Variants in AHNAK observed in about 807,000 individuals in gnomAD.
The protein encoded by AHNAK is AHNAK nucleoprotein.
In AHNAK, 23 loss-of-function variants were observed where a neutral mutation model predicts 37.8. The observed-to-expected ratio is 0.61, with a 90% CI of 0.44 to 0.86. The LOEUF is 0.86. Ranked by LOEUF, AHNAK falls within the 40% of genes least tolerant of loss-of-function variation. The pLI, the probability that AHNAK is intolerant of heterozygous loss-of-function variation, is 0.00. For missense variants in AHNAK, 7,411 were observed against 7,319.4 expected (o/e 1.01, Z -0.46); for synonymous variants, 2,481 against 2,636.3 (o/e 0.94, Z 1.80).
chr11:62,509,303 C>T (rs753300905), intron 4 of AHNAK, among the ~76,000 whole-genome samples: 1 of 152,098 alleles, frequency 6.6e-6, no homozygotes, highest in Non-Finnish European at 1.5e-5. Context: ...CACGGTGGCT[C>T]ACGCCTGTAA....
downstream of AHNAK, among the ~76,000 whole-genome samples, chr11:62,512,155 G>A (rs1365199324): frequency 2.6e-5 from 4 of 152,054 alleles, no homozygotes; most frequent in Non-Finnish European, 4.4e-5. The surrounding 1 kb of genome is among the most constrained non-coding windows in gnomAD (Gnocchi z 4.0). Flanking sequence ...CCTTGTCCTG[G>A]TTATTCTCTA....
In AHNAK at chr11:62,525,653, C is replaced by G. The variant is rs1244681329; in HGVS notation, c.8764G>C (p.Asp2922His). 1 of 1,613,774 alleles carries G rather than the reference C, an allele frequency of 6.2e-7. No individual in the cohort carries two copies. The highest frequency in any genetic ancestry group is 8.5e-7 in the Non-Finnish European group (1 of 1,179,984). The change falls in exon 5 of 5, where the codon GAC (aspartate) becomes CAC (histidine). Residue 2922 changes from aspartate to histidine, a missense_variant. Asp to His is a moderately conservative substitution (Grantham distance 81). Coordinates refer to ENST00000378024, the MANE Select transcript of AHNAK (RefSeq NM_001620.3). Reference protein sequence around the residue: ...PEVDVNLPKADVDVSGPKVDV... With the variant: ...PEVDVNLPKAHVDVSGPKVDV... Reference sequence around the variant, plus strand: ...ACTTTGGGGCCTGAGACATCAACGTCAGCCTTGGGCAGGTTCACATCCACT... The same window carrying G: ...ACTTTGGGGCCTGAGACATCAACGTGAGCCTTGGGCAGGTTCACATCCACT...
chr11:62,477,428 G>C (rs1156521983), intron 5 of AHNAK, among the ~76,000 whole-genome samples: 1 of 152,094 alleles, frequency 6.6e-6, no homozygotes, highest in Non-Finnish European at 1.5e-5. Flanking sequence ...TTAATTCCTG[G>C]GTGATGAAAT....
intron 4 of AHNAK, among the ~76,000 whole-genome samples, chr11:62,507,974 C>A (rs919127960): frequency 1.3e-5 from 2 of 152,264 alleles, no homozygotes; most frequent in African/African-American, 4.8e-5. Flanking sequence ...GACTGGGTCT[C>A]GCTCTGTCAT....
chr11:62,448,960 C>T (rs1426496477), intron 5 of AHNAK, among the ~76,000 whole-genome samples: 4 of 152,116 alleles, frequency 2.6e-5, no homozygotes, highest in South Asian at 2.1e-4. Flanking sequence ...CTCAGCTACT[C>T]GGGAGGCTGA....
chr11:62,540,470 G>A (rs769227514), intron 1 of AHNAK, among the ~76,000 whole-genome samples: 2 of 152,086 alleles, frequency 1.3e-5, no homozygotes, highest in Non-Finnish European at 2.9e-5. Context: ...GAGCCTGCTA[G>A]CACACAGCCC....
rs1277573930 is a variant in AHNAK, at chr11:62,521,660, T to A, written c.12757A>T (p.Lys4253Ter). ...PKFKMPEMNI[K>*]APKISMPDFD... The stretch of plus-strand genomic sequence containing the variant: ...TCAGGCATGGAGATCTTGGGGGCTT[T>A]GATGTTCATCTCAGGCATCTTGAAT... Residue 4253 changes from lysine (K) to a stop codon, truncating the protein, a stop_gained, in exon 5 of 5, where the codon AAA becomes TAA. Transcript: ENST00000378024. LOFTEE classifies it low-confidence loss of function (END_TRUNC). 6.2e-7 allele frequency: 1 copy of A among 1,614,030 alleles called. No homozygotes were observed. Among genetic ancestry groups the A allele is most frequent in the South Asian group, 1.1e-5 (1 of 91,068 alleles).
rs1307806147 is a variant in AHNAK at position 62,529,805 on chromosome 11, C to T, written c.4612G>A (p.Asp1538Asn). The change falls in exon 5 of 5, where the codon GAC (aspartate) becomes AAC (asparagine). Residue 1538 changes from aspartate (D) to asparagine (N), a missense_variant. By Grantham distance (23) the Asp-to-Asn change is conservative (BLOSUM62 1). Transcript: ENST00000378024. ...PEVDMNLPKA[D>N]LGVSGPKVDI... ...ACCTTGGGTCCTGAAACACCAAGGT[C>T]AGCCTTGGGCAGGTTCATATCCACC... 2 of 1,614,156 alleles carry T rather than the reference C, an allele frequency of 1.2e-6. No individual in the cohort carries two copies. The highest frequency in any genetic ancestry group is 1.7e-6 in the Non-Finnish European group (2 of 1,180,034).
Position 62,525,426 on chromosome 11 carries a change from A to C in AHNAK, c.8991T>G (p.Val2997=), listed in dbSNP as rs1233854868. 1.9e-6 allele frequency: 3 copies of C among 1,612,752 alleles called. No individual in the cohort carries two copies. The highest frequency in any genetic ancestry group is 2.5e-6 in the Non-Finnish European group (3 of 1,179,638). Reference sequence around the variant, plus strand: ...TGTCCACTTGGGGACCCCTGATGTCAACTTCAGGGCCCTTGAGGTCACCTT... The same window carrying C: ...TGTCCACTTGGGGACCCCTGATGTCCACTTCAGGGCCCTTGAGGTCACCTT... ...KVEGDLKGPE[V]DIRGPQVDID... The change falls in exon 5 of 5, where the codon GTT becomes GTG. Residue 2997 remains valine, a synonymous_variant. Transcript: ENST00000378024.
chr11:62,504,112 G>A (rs1401693776), intron 4 of AHNAK, among the ~76,000 whole-genome samples: 2 of 151,702 alleles, frequency 1.3e-5, no homozygotes, highest in African/African-American at 4.8e-5. Flanking sequence ...AGTGAGCCAA[G>A]ATCACACCAC....
At chr11:62,437,637 G>A (rs1938203834) in intron 5 of AHNAK, among the ~76,000 whole-genome samples, 1 of 152,170 alleles carries the variant, frequency 6.6e-6, no homozygotes, top group African/African-American at 2.4e-5. Context: ...GGGATTACAG[G>A]TGTGAACCAC....
chr11:62,530,238 G>C lies in AHNAK; in HGVS notation c.4179C>G (p.Pro1393=). The change falls in exon 5 of 5, where the codon CCC becomes CCG. Residue 1393 remains proline, a synonymous_variant. Transcript: ENST00000378024. ...CTTCAGGGCCCTCTCCTTTGAAGCC[G>C]GGCATGCTGAACTTGGGCATTTTCA... is the stretch of plus-strand genomic sequence containing the variant. ...PKVKMPKFSM[P]GFKGEGPEVD... 6.4e-7 allele frequency: 1 copy of C among 1,552,416 alleles called. No individual in the cohort carries two copies. The highest frequency in any genetic ancestry group is 8.7e-7 in the Non-Finnish European group (1 of 1,149,222).
At position 62,536,023 on chromosome 11, in the gene AHNAK, C is replaced by G. The variant is rs539541618; in HGVS notation, c.76G>C (p.Ala26Pro). 1 of 1,612,470 alleles carries G rather than the reference C, an allele frequency of 6.2e-7. No homozygotes were observed. The highest frequency in any genetic ancestry group is 1.1e-5 in the South Asian group (1 of 90,902). The change falls in exon 3 of 5, where the codon GCC (alanine) becomes CCC (proline). Residue 26 changes from alanine (A) to proline (P), a missense_variant. Coordinates refer to ENST00000378024, the MANE Select transcript of AHNAK (RefSeq NM_001620.3). ...QGSGSHGLTI[A>P]QRDDGVFVQE... Reference sequence around the variant, plus strand: ...ACAAAGACGCCGTCGTCCCTCTGGGCGATGGTCAGCCCGTGGGAGCCACTA... The same window carrying G: ...ACAAAGACGCCGTCGTCCCTCTGGGGGATGGTCAGCCCGTGGGAGCCACTA...
intron 4 of AHNAK, among the ~76,000 whole-genome samples, chr11:62,499,358 G>A (rs1184000999): frequency 6.6e-6 from 1 of 152,088 alleles, no homozygotes; most frequent in Non-Finnish European, 1.5e-5. Flanking sequence ...AGACCAGCCT[G>A]ACCAACATGG....
intron 5 of AHNAK, among the ~76,000 whole-genome samples, chr11:62,436,855 C>A (rs998750533): frequency 4.0e-5 from 6 of 151,746 alleles, no homozygotes; most frequent in African/African-American, 1.5e-4. Flanking sequence ...AGGAGAATGG[C>A]GTGAACCCAG....
chr11:62,511,365 G>T (rs1939908994), downstream of AHNAK, among the ~76,000 whole-genome samples: 1 of 151,786 alleles, frequency 6.6e-6, no homozygotes, highest in Non-Finnish European at 1.5e-5. Context: ...TGATTCTCCT[G>T]CCTCAGCCAC....
intron 1 of AHNAK, among the ~76,000 whole-genome samples, chr11:62,544,735 T>C (rs553749199): frequency 6.6e-6 from 1 of 152,268 alleles, no homozygotes; most frequent in African/African-American, 2.4e-5. Flanking sequence ...ATTCAGCTTC[T>C]GAAAGGAAGT....
intron 1 of AHNAK, among the ~76,000 whole-genome samples, chr11:62,540,205 G>A (rs747303529): frequency 7.2e-5 from 11 of 152,188 alleles, no homozygotes; most frequent in African/African-American, 2.2e-4. Flanking sequence ...GCCACCCAAC[G>A]CAGCAGCCAC....
At chr11:62,514,356 T>C (rs528238125), downstream of AHNAK, among the ~76,000 whole-genome samples, 121 of 152,148 alleles carry the variant, frequency 8.0e-4, no homozygotes, top group Non-Finnish European at 1.5e-3. Context: ...TGTGGTTGGT[T>C]GAGTGAAAGC....
Sources: gnomAD v4.1 joint callset for allele counts (sites outside exome capture counted in the v4.1 genomes callset) on GRCh38, gnomAD v4.1.1 for gene constraint, Gnocchi (gnomAD v3.1) non-coding constraint, MANE v1.5 for transcripts, NCBI Gene and HGNC (gene_info 2026-07-23, HGNC 2026-07-21) for gene names.